CELF1: variants seen among roughly 807,000 people sequenced by gnomAD.
CELF1 encodes the protein CUGBP Elav-like family member 1, also known as 50 kDa nuclear polyadenylated RNA-binding protein.
Under a neutral mutation model 61.8 loss-of-function variants are expected in CELF1, and 10 were observed. That is an observed-to-expected ratio of 0.16 (90% CI 0.10 to 0.27). The LOEUF (loss-of-function observed/expected upper bound fraction) is 0.27, where lower values mean the gene tolerates loss of function less well. Among genes scored for constraint, CELF1 ranks in the 10% least tolerant of loss-of-function variants. The pLI is 1.00. For synonymous variants in CELF1, 236 were observed against 225.1 expected, an observed-to-expected ratio of 1.05 and a Z score of -0.43; for missense variants, 380 against 639.1, an observed-to-expected ratio of 0.59 and a Z score of 4.37.
chr11:47,482,158 G>A (rs2083645320), intron 9 of CELF1, among the ~76,000 whole-genome samples: 1 of 152,004 alleles, frequency 6.6e-6, no homozygotes, highest in South Asian at 2.1e-4. Flanking sequence ...CCAAGATTGT[G>A]CCACTGCACT....
chr11:47,501,311 T>G (rs1476865720), intron 1 of CELF1, among the ~76,000 whole-genome samples: 1 of 141,262 alleles, frequency 7.1e-6, no homozygotes, highest in African/African-American at 2.4e-5. Flanking sequence ...ACCAAGCCCA[T>G]GCCTGTCAGG....
At chr11:47,486,981 T>G (rs954697936) in intron 5 of CELF1, among the ~76,000 whole-genome samples, 178 bp downstream of exon 5, 1 of 152,212 alleles carries the variant, frequency 6.6e-6, no homozygotes, top group African/African-American at 2.4e-5. Flanking sequence ...GACTCTTGAC[T>G]GAGAGAGAAC....
In CELF1 at chr11:47,471,500, T is replaced by A. The variant is rs577479545; in HGVS notation, c.*730A>T. On this transcript the variant is annotated 3_prime_UTR_variant, in exon 15 of 15. Transcript: ENST00000687097. Reference sequence around the variant, plus strand: ...ACTGACTGCTGGCTGGGGGAGCTCGTAATGGGTGATGCCGCCCTGCTTTTT... The same window carrying A: ...ACTGACTGCTGGCTGGGGGAGCTCGAAATGGGTGATGCCGCCCTGCTTTTT... 6.6e-6 allele frequency: 1 copy of A among 152,318 alleles called. No individual in the cohort carries two copies. The highest frequency in any genetic ancestry group is 2.1e-4 in the South Asian group (1 of 4,820). The allele number at this position is 152,318 out of a possible 1,614,324, so 9.4% of individuals were successfully genotyped here.
At chr11:47,546,996 G>C (rs1037754150) in intron 1 of CELF1, among the ~76,000 whole-genome samples, 2 of 141,776 alleles carry the variant, frequency 1.4e-5, no homozygotes, top group Non-Finnish European at 3.0e-5. Flanking sequence ...GAACCCGGGA[G>C]GCAGAGGTTG....
At chr11:47,530,977 T>G (rs550430022) in intron 1 of CELF1, among the ~76,000 whole-genome samples, 17 of 152,004 alleles carry the variant, frequency 1.1e-4, no homozygotes, top group Non-Finnish European at 2.5e-4. Flanking sequence ...CCCGGCGTGG[T>G]AGCTCATGCC....
chr11:47,545,779 C>T (rs1295841165), intron 1 of CELF1, among the ~76,000 whole-genome samples: 1 of 151,914 alleles, frequency 6.6e-6, no homozygotes, highest in East Asian at 1.9e-4. Context: ...AATCTGCCCG[C>T]CTCAGTCTTC....
At chr11:47,542,872 C>A (rs980237627) in intron 1 of CELF1, among the ~76,000 whole-genome samples, 7 of 152,118 alleles carry the variant, frequency 4.6e-5, no homozygotes, top group African/African-American at 1.7e-4. Context: ...GCAGCTCACA[C>A]CTGTAATCCC....
chr11:47,489,738 G>C (rs1432958583), intron 3 of CELF1, among the ~76,000 whole-genome samples: 1 of 151,992 alleles, frequency 6.6e-6, no homozygotes. Flanking sequence ...TTCCCTTACT[G>C]AGGGCAACCA....
chr11:47,564,132 C>G (rs1472125124), intron 2 of CELF1, among the ~76,000 whole-genome samples: 1 of 139,000 alleles, frequency 7.2e-6, no homozygotes, highest in African/African-American at 2.8e-5. Context: ...TCAAGACTAG[C>G]CTGGCCAACA....
At chr11:47,515,285 G>C (rs2095494229) in intron 1 of CELF1, among the ~76,000 whole-genome samples, 1 of 152,160 alleles carries the variant, frequency 6.6e-6, no homozygotes, top group South Asian at 2.1e-4. Context: ...GAGGGAGTGG[G>C]AGCTCTGAAC....
At chr11:47,503,108 T>G (rs1368774553) in intron 1 of CELF1, among the ~76,000 whole-genome samples, 2 of 152,112 alleles carry the variant, frequency 1.3e-5, no homozygotes, top group African/African-American at 4.8e-5. Flanking sequence ...AAGGTAGGAG[T>G]AGTCAGCCTG....
At chr11:47,507,312 G>C (rs543451587) in intron 1 of CELF1, among the ~76,000 whole-genome samples, 26 of 152,110 alleles carry the variant, frequency 1.7e-4, no homozygotes, top group Non-Finnish European at 3.1e-4. Context: ...ATTAAGGATC[G>C]TGTTATTCAT....
At chr11:47,472,813 G>A (rs2078256664) in intron 14 of CELF1, among the ~76,000 whole-genome samples, 1 of 152,170 alleles carries the variant, frequency 6.6e-6, no homozygotes. Context: ...CCCAAGTACT[G>A]GGACTTACAG....
At chr11:47,490,423 T>C (rs1445719852) in intron 3 of CELF1, among the ~76,000 whole-genome samples, 1 of 144,800 alleles carries the variant, frequency 6.9e-6, no homozygotes, top group Non-Finnish European at 1.5e-5. Context: ...AACAACATGC[T>C]AGTTTTTTTT....
At chr11:47,553,204 G>A, upstream of CELF1, 1 of 390,460 alleles carries the variant, frequency 2.6e-6, no homozygotes. Flanking sequence ...CGCGGCGAGG[G>A]GGAACGTATC....
chr11:47,521,120 C>T (rs1597811659), intron 1 of CELF1, among the ~76,000 whole-genome samples: 1 of 151,922 alleles, frequency 6.6e-6, no homozygotes, highest in Non-Finnish European at 1.5e-5. Context: ...GGCATAGTGG[C>T]GGGCGCCTGT....
In CELF1 at chr11:47,487,165, G is replaced by A. The variant is rs1303128005; in HGVS notation, c.336C>T (p.Leu112=). The A allele has an allele frequency of 1.2e-6, 2 of 1,610,768 alleles. No individual in the cohort carries two copies. Among genetic ancestry groups the A allele is most frequent in the Non-Finnish European group, 1.7e-6 (2 of 1,178,978 alleles). ...CTAGTGGGAGCTTTCTTACCCCTGGGAGGACTTTCATGTTGTGAAGAGCAT... is the reference window on the plus strand; with the variant it reads ...CTAGTGGGAGCTTTCTTACCCCTGGAAGGACTTTCATGTTGTGAAGAGCAT... ...AQNALHNMKV[L]PGMHHPIQMK... is the part of the protein sequence containing the mutation. The change falls in exon 5 of 15, where the codon CTC becomes CTT. Residue 112 remains leucine (L), a synonymous_variant. Coordinates refer to ENST00000687097, the MANE Select transcript of CELF1 (RefSeq NM_001376376.1).
intron 1 of CELF1, among the ~76,000 whole-genome samples, chr11:47,535,104 A>C (rs1352620314): frequency 6.6e-6 from 1 of 152,200 alleles, no homozygotes; most frequent in Non-Finnish European, 1.5e-5. Flanking sequence ...TAACAAAAAC[A>C]GCACTTGATT....
Position 47,487,218 on chromosome 11 carries a change from T to C in CELF1, c.283A>G (p.Thr95Ala), listed in dbSNP as rs1326186959. 1 of 1,612,276 alleles carries C rather than the reference T, an allele frequency of 6.2e-7. No individual in the cohort carries two copies. Residue 95 changes from threonine to alanine, a missense_variant, in exon 5 of 15, where the codon ACC becomes GCC. Thr to Ala is a moderately conservative substitution (Grantham distance 58, BLOSUM62 0). Transcript: ENST00000687097. ...SKGCCFVTFY[T>A]RKAALEAQNA... Reference sequence around the variant, plus strand: ...TGAGCTTCTAATGCAGCTTTACGGGTGTAAAATGTAACAAAACAGCACCCT... The same window carrying C: ...TGAGCTTCTAATGCAGCTTTACGGGCGTAAAATGTAACAAAACAGCACCCT...
Sources: gnomAD v4.1 joint callset for allele counts (sites outside exome capture counted in the v4.1 genomes callset) on GRCh38, gnomAD v4.1.1 for gene constraint, MANE v1.5 for transcripts, NCBI Gene and HGNC (gene_info 2026-07-23, HGNC 2026-07-21) for gene names.